AP5M1: variants seen among roughly 807,000 people sequenced by gnomAD.
AP5M1 encodes the protein AP-5 complex subunit mu-1.
Under a neutral mutation model 52.3 loss-of-function variants are expected in AP5M1, and 44 were observed. The ratio of observed to expected loss-of-function variants is 0.84; its 90% CI spans 0.66 to 1.08. The LOEUF is 1.08. Ranked by LOEUF, AP5M1 falls within the 50% of genes least tolerant of loss-of-function variation. The pLI is 0.00. For synonymous variants in AP5M1, 213 were observed against 199.0 expected (o/e 1.07, Z -0.59); for missense variants, 526 against 568.4 (o/e 0.93, Z 0.76).
chr14:57,269,780 C>T (rs1413635597), intron 1 of AP5M1, among the ~76,000 whole-genome samples: 1 of 152,136 alleles, frequency 6.6e-6, no homozygotes, highest in Non-Finnish European at 1.5e-5. Context: ...ACTGAAAAAT[C>T]CATGCTAAGT....
intron 2 of AP5M1, among the ~76,000 whole-genome samples, chr14:57,276,527 A>G (rs561054204): frequency 2.5e-4 from 38 of 152,172 alleles, no homozygotes; most frequent in African/African-American, 8.4e-4. Flanking sequence ...GTGAGCCACA[A>G]TCATGACACT....
In AP5M1 at chr14:57,295,104, CAT is replaced by C. The variant is rs1284244830; in HGVS notation, c.*6222_*6223del. On this transcript the variant is annotated 3_prime_UTR_variant, in exon 8 of 8. Coordinates refer to ENST00000261558, the MANE Select transcript of AP5M1 (RefSeq NM_018229.4). ...CGTGAGTTGTTCATTTCAGTACACCCATAGTTTCTCAACAGGTGTAGCAGATT... is the reference window on the plus strand; with the variant it reads ...CGTGAGTTGTTCATTTCAGTACACCCAGTTTCTCAACAGGTGTAGCAGATT... 6.6e-6 allele frequency: 1 copy of C among 151,830 alleles called. No homozygotes were observed. Among genetic ancestry groups the C allele is most frequent in the Non-Finnish European group, 1.5e-5 (1 of 67,886 alleles). The allele number at this position is 151,830 out of a possible 1,614,324, so 9.4% of individuals were successfully genotyped here.
chr14:57,276,284 A>G (rs546047363), intron 2 of AP5M1, among the ~76,000 whole-genome samples: 59 of 152,348 alleles, frequency 3.9e-4, no homozygotes, highest in Non-Finnish European at 7.2e-4. Context: ...AAATGAAAAT[A>G]GAAAAATATG....
At chr14:57,284,262 C>A (rs1206989856) in intron 6 of AP5M1, among the ~76,000 whole-genome samples, 1 of 152,124 alleles carries the variant, frequency 6.6e-6, no homozygotes, top group African/African-American at 2.4e-5. Flanking sequence ...GAAGAATAAA[C>A]AAGGCATGCT....
chr14:57,288,641 G>C (rs539805115), intron 7 of AP5M1, among the ~76,000 whole-genome samples, 161 bp from the exon 8 acceptor site: 2 of 152,126 alleles, frequency 1.3e-5, no homozygotes, highest in Non-Finnish European at 2.9e-5. Context: ...TTGTAAAATG[G>C]TAAAAGTTAT....
rs917335196 is a variant in AP5M1 at position 57,293,827 on chromosome 14, A to C, written c.*4943A>C. 9.2e-5 allele frequency: 14 copies of C among 151,672 alleles called. No homozygotes were observed. Among genetic ancestry groups the C allele is most frequent in the Non-Finnish European group, 3.0e-5 (2 of 67,726 alleles). The allele number at this position is 151,672 out of a possible 1,614,324, so 9.4% of individuals were successfully genotyped here. ...CCTGTGAAACATGTCAGTATCATGT[A>C]AGATGAAGAATATTTTAAGGGCAAA... On this transcript the variant is annotated 3_prime_UTR_variant, in exon 8 of 8. Coordinates refer to ENST00000261558, the MANE Select transcript of AP5M1 (RefSeq NM_018229.4).
chr14:57,274,768 C>T lies in AP5M1; in HGVS notation c.599C>T (p.Thr200Ile). The T allele has an allele frequency of 6.2e-7, 1 of 1,614,130 alleles. No individual in the cohort carries two copies. Among genetic ancestry groups the T allele is most frequent in the Non-Finnish European group, 8.5e-7 (1 of 1,180,034 alleles). ...CCACAGAAACAGCCAGCTTGGAAAA[C>T]TGGGACGTACAAAGGAAAACCACAA... ...TQPQKQPAWK[T>I]GTYKGKPQVS... Residue 200 changes from threonine to isoleucine, a missense_variant, in exon 2 of 8, where the codon ACT becomes ATT. By Grantham distance (89) the Thr-to-Ile change is moderately conservative. Transcript: ENST00000261558.
intron 6 of AP5M1, among the ~76,000 whole-genome samples, chr14:57,283,595 CAA>C (rs1047348468): frequency 5.9e-5 from 9 of 152,008 alleles, no homozygotes; most frequent in Admixed American, 5.2e-4. Flanking sequence ...CTCTTTTAAA[CAA>C]GGGTTTTTTT....
Position 57,269,197 on chromosome 14 carries a change from T to C in AP5M1, c.-118T>C. The C allele has an allele frequency of 1.0e-6, 1 of 956,420 alleles. No homozygotes were observed. The highest frequency in any genetic ancestry group is 1.6e-5 in the African/African-American group (1 of 61,046). 59.2% of individuals were successfully genotyped at this position (956,420 alleles called of 1,614,324 possible). ...ACCTCTCTGCTGAGCGCGACCGGTA[T>C]GCGGCGCAGGATGAGCCTCAGGGCT... On this transcript the variant is annotated 5_prime_UTR_variant, in exon 1 of 8. An upstream start codon of the reference 5' UTR is lost. Coordinates refer to ENST00000261558, the MANE Select transcript of AP5M1 (RefSeq NM_018229.4).
chr14:57,274,533 C>T lies in AP5M1; in HGVS notation c.364C>T (p.Leu122=), dbSNP rs1329143795. 1.9e-6 allele frequency: 3 copies of T among 1,614,160 alleles called. No homozygotes were observed. The South Asian group carries it at 3.3e-5, about 18-fold the overall frequency. Residue 122 remains leucine (L), a synonymous_variant, in exon 2 of 8, where the codon CTA becomes TTA. Transcript: ENST00000261558. Reference sequence around the variant, plus strand: ...ACAAACTCTGTCCCCTCGTCCGCCACTAATTAGTGTCAGTGGAGTTTCACA... The same window carrying T: ...ACAAACTCTGTCCCCTCGTCCGCCATTAATTAGTGTCAGTGGAGTTTCACA... ...VEQTLSPRPP[L]ISVSGVSQGF...
intron 7 of AP5M1, among the ~76,000 whole-genome samples, chr14:57,287,002 C>T (rs1276761348): frequency 9.1e-6 from 1 of 110,376 alleles, no homozygotes; most frequent in Non-Finnish European, 1.6e-5. Flanking sequence ...CACATACACA[C>T]ACACACACAC....
At position 57,286,090 on chromosome 14, in the gene AP5M1, G is replaced by T. The variant is rs1014738237; in HGVS notation, c.1294-133G>T. 5.8e-5 allele frequency: 37 copies of T among 635,378 alleles called. No homozygotes were observed. The East Asian group carries it at 9.6e-4, about 16-fold the overall frequency. The allele number at this position is 635,378 out of a possible 1,614,324, so 39.4% of individuals were successfully genotyped here. A position where few individuals can be genotyped will look rare whatever the true frequency, so the allele number is the denominator to read the frequency against. ...ATGTGTGCGCACACACACAATTCAA[G>T]TTTAGTACTTGTGGTTTTTATTTTG... On this transcript the variant is annotated intron_variant, in intron 6 of 7. Coordinates refer to ENST00000261558, the MANE Select transcript of AP5M1 (RefSeq NM_018229.4).
In AP5M1 at chr14:57,292,351, G is replaced by A. The variant is rs924675401; in HGVS notation, c.*3467G>A. 7.3e-5 allele frequency: 11 copies of A among 151,720 alleles called. No individual in the cohort carries two copies. The highest frequency in any genetic ancestry group is 3.2e-3 in the Middle Eastern group (1 of 316). The allele number at this position is 151,720 out of a possible 1,614,324, so 9.4% of individuals were successfully genotyped here. A position where few individuals can be genotyped will look rare whatever the true frequency, so the allele number is the denominator to read the frequency against. On this transcript the variant is annotated 3_prime_UTR_variant, in exon 8 of 8. Coordinates refer to ENST00000261558, the MANE Select transcript of AP5M1 (RefSeq NM_018229.4). The stretch of plus-strand genomic sequence containing the variant: ...ATTTCACTTAACTACCAGTTACCTC[G>A]TTCTGACAAAGTGCAACTGAGATTA...
Position 57,294,623 on chromosome 14 carries a change from T to C in AP5M1, c.*5739T>C, listed in dbSNP as rs1466910054. ...TCTCCACTGGTTTTATAGGTGTGTT[T>C]AGTGTGAAGAATGTGATACCATTGA... On this transcript the variant is annotated 3_prime_UTR_variant, in exon 8 of 8. Coordinates refer to ENST00000261558, the MANE Select transcript of AP5M1 (RefSeq NM_018229.4). The C allele has an allele frequency of 1.3e-5, 2 of 151,938 alleles. No homozygotes were observed. Among genetic ancestry groups the C allele is most frequent in the Admixed American group, 6.6e-5 (1 of 15,228 alleles). 9.4% of individuals were successfully genotyped at this position (151,938 alleles called of 1,614,324 possible). A position where few individuals can be genotyped will look rare whatever the true frequency, so the allele number is the denominator to read the frequency against.
chr14:57,288,848 C>G lies in AP5M1; in HGVS notation c.1437C>G (p.Ala479=). The change falls in exon 8 of 8, where the codon GCC becomes GCG. Residue 479 remains alanine, a synonymous_variant. Transcript: ENST00000261558. ...ATTATTACATCTGGAATTCTAAAGC[C>G]CCTGCTCCAGTAACATATGGATCAT... ...SSDYYIWNSK[A]PAPVTYGSLL... 1 of 1,585,608 alleles carries G rather than the reference C, an allele frequency of 6.3e-7. No individual in the cohort carries two copies. The highest frequency in any genetic ancestry group is 8.6e-7 in the Non-Finnish European group (1 of 1,157,092).
intron 2 of AP5M1, chr14:57,275,128 T>C (rs1884994852): frequency 1.9e-6 from 1 of 516,092 alleles, no homozygotes; most frequent in South Asian, 2.1e-5. Context: ...ATTATTTTCA[T>C]AGTTTCTGTA....
At chr14:57,273,150 G>C (rs1245390335) in intron 1 of AP5M1, among the ~76,000 whole-genome samples, 1 of 152,106 alleles carries the variant, frequency 6.6e-6, no homozygotes, top group Admixed American at 6.6e-5. Context: ...GTGTTGGCCA[G>C]GCTGGTCTCA....
In AP5M1 at chr14:57,289,397, A is replaced by C. The variant is rs1032747892; in HGVS notation, c.*513A>C. The C allele has an allele frequency of 2.6e-5, 4 of 152,180 alleles. No homozygotes were observed. The highest frequency in any genetic ancestry group is 9.7e-5 in the African/African-American group (4 of 41,436). 9.4% of individuals were successfully genotyped at this position (152,180 alleles called of 1,614,324 possible). A position where few individuals can be genotyped will look rare whatever the true frequency, so the allele number is the denominator to read the frequency against. On this transcript the variant is annotated 3_prime_UTR_variant, in exon 8 of 8. Coordinates refer to ENST00000261558, the MANE Select transcript of AP5M1 (RefSeq NM_018229.4). ...GTTACAGAATACCAGAGACCATGTTAGAGACAACTACATCTCTTCAAAAAA... is the reference window on the plus strand; with the variant it reads ...GTTACAGAATACCAGAGACCATGTTCGAGACAACTACATCTCTTCAAAAAA...
In AP5M1 at chr14:57,294,415, A is replaced by G. The variant is rs1885506989; in HGVS notation, c.*5531A>G. 6.6e-6 allele frequency: 1 copy of G among 151,872 alleles called. No individual in the cohort carries two copies. Among genetic ancestry groups the G allele is most frequent in the Admixed American group, 6.6e-5 (1 of 15,194 alleles). The allele number at this position is 151,872 out of a possible 1,614,324, so 9.4% of individuals were successfully genotyped here. A position where few individuals can be genotyped will look rare whatever the true frequency, so the allele number is the denominator to read the frequency against. ...TCTTAAATTTTTACTTTTTCCTTCA[A>G]AGGACTTGGGTGCCCTCTGCAGGTT... On this transcript the variant is annotated 3_prime_UTR_variant, in exon 8 of 8. Transcript: ENST00000261558.
Sources: allele counts gnomAD v4.1 joint callset (sites outside exome capture counted in the v4.1 genomes callset), GRCh38; gene constraint gnomAD v4.1.1; transcripts MANE v1.5; gene names NCBI Gene and HGNC (gene_info 2026-07-23, HGNC 2026-07-21).